Variants in NSMCE2 observed in about 807,000 individuals in gnomAD.
NSMCE2 encodes the protein NSE2 SUMO ligase component of SMC5/6 complex, also known as E3 SUMO-protein ligase NSE2.
Under a neutral mutation model 23.8 loss-of-function variants are expected in NSMCE2, and 24 were observed. The observed-to-expected ratio is 1.01, with a 90% CI of 0.73 to 1.42. The LOEUF (loss-of-function observed/expected upper bound fraction) is 1.42, where lower values mean the gene tolerates loss of function less well. Among genes scored for constraint, NSMCE2 ranks in the 40% most tolerant of loss-of-function variants. The pLI is 0.00. For synonymous variants in NSMCE2, 92 were observed against 94.1 expected, an observed-to-expected ratio of 0.98 and a Z score of 0.13; for missense variants, 284 against 296.5, an observed-to-expected ratio of 0.96 and a Z score of 0.31.
chr8:125,344,066 G>A (rs1283591819), intron 5 of NSMCE2, among the ~76,000 whole-genome samples: 2 of 152,122 alleles, frequency 1.3e-5, no homozygotes, highest in Admixed American at 6.6e-5. Flanking sequence ...AAATACAAGG[G>A]ATTGAAATGG....
chr8:125,169,733 T>C (rs1159442157), intron 4 of NSMCE2, among the ~76,000 whole-genome samples: 14 of 68,052 alleles, frequency 2.1e-4, no homozygotes, highest in Admixed American at 1.6e-3. Flanking sequence ...AACATTTGAT[T>C]TTTTTTTTCC....
intron 5 of NSMCE2, among the ~76,000 whole-genome samples, chr8:125,326,565 G>T (rs1466574626): frequency 6.6e-6 from 1 of 152,172 alleles, no homozygotes; most frequent in African/African-American, 2.4e-5. Context: ...GGAAAAGAGA[G>T]AGAGGACTTC....
At chr8:125,198,498 T>C (rs1188302245) in intron 5 of NSMCE2, among the ~76,000 whole-genome samples, 6 of 152,212 alleles carry the variant, frequency 3.9e-5, no homozygotes, top group Non-Finnish European at 7.3e-5. Context: ...ATTTATTGAT[T>C]TGCGTGTGTT....
At chr8:125,190,111 T>A (rs1183763154) in intron 5 of NSMCE2, among the ~76,000 whole-genome samples, 1 of 152,190 alleles carries the variant, frequency 6.6e-6, no homozygotes, top group Admixed American at 6.5e-5. Context: ...TCCTGAGAGC[T>A]TATGTTCATT....
At chr8:125,212,722 A>C (rs778428128) in intron 5 of NSMCE2, among the ~76,000 whole-genome samples, 1 of 152,240 alleles carries the variant, frequency 6.6e-6, no homozygotes, top group Non-Finnish European at 1.5e-5. Context: ...AACATTTTTT[A>C]AATGTAGGAT....
chr8:125,106,910 C>T (rs922185855), intron 3 of NSMCE2, among the ~76,000 whole-genome samples: 1 of 141,608 alleles, frequency 7.1e-6, no homozygotes, highest in African/African-American at 2.6e-5. Context: ...GCAGGAGAAT[C>T]GCTTGAACCC....
chr8:125,162,300 G>T (rs995463076), intron 4 of NSMCE2, among the ~76,000 whole-genome samples: 10 of 152,120 alleles, frequency 6.6e-5, no homozygotes, highest in African/African-American at 2.4e-4. Context: ...AGAAATTCTT[G>T]TTACTGCTTA....
chr8:125,247,060 A>T (rs1259361105), intron 5 of NSMCE2, among the ~76,000 whole-genome samples: 5 of 151,264 alleles, frequency 3.3e-5, no homozygotes, highest in Admixed American at 2.0e-4. Flanking sequence ...TGGCATGGTG[A>T]CTCACACCTC....
At chr8:125,260,020 T>C (rs1287943056) in intron 5 of NSMCE2, among the ~76,000 whole-genome samples, 2 of 152,180 alleles carry the variant, frequency 1.3e-5, no homozygotes, top group African/African-American at 2.4e-5. Context: ...AAAGCAGATA[T>C]TGCAGGCTGG....
At chr8:125,259,533 AC>A (rs1400793280) in intron 5 of NSMCE2, among the ~76,000 whole-genome samples, 1 of 151,524 alleles carries the variant, frequency 6.6e-6, no homozygotes, top group Admixed American at 6.6e-5. Context: ...CCCCCACCAC[AC>A]CCCAGTCTGT....
At chr8:125,337,835 C>T (rs190966430) in intron 5 of NSMCE2, among the ~76,000 whole-genome samples, 267 of 133,904 alleles carry the variant, frequency 2.0e-3, no homozygotes, top group Middle Eastern at 0.013. Context: ...GTGGAGGTTG[C>T]GGTGAGCCAA....
intron 5 of NSMCE2, among the ~76,000 whole-genome samples, chr8:125,227,201 A>G (rs1013253678): frequency 6.6e-6 from 1 of 152,136 alleles, no homozygotes; most frequent in Admixed American, 6.5e-5. Context: ...CAGATCCACA[A>G]GACATGAGAA....
At chr8:125,252,833 G>A (rs2131017467) in intron 5 of NSMCE2, among the ~76,000 whole-genome samples, 1 of 152,354 alleles carries the variant, frequency 6.6e-6, no homozygotes, top group East Asian at 1.9e-4. Flanking sequence ...TGTTAGATGG[G>A]TAGTTCCGGA....
intron 5 of NSMCE2, among the ~76,000 whole-genome samples, chr8:125,303,503 A>G (rs1305077183): frequency 1.3e-5 from 2 of 152,184 alleles, no homozygotes; most frequent in African/African-American, 4.8e-5. Context: ...CAATAAGTAT[A>G]TAAATTAACT....
At chr8:125,323,642 A>G (rs1829537785) in intron 5 of NSMCE2, among the ~76,000 whole-genome samples, 1 of 152,238 alleles carries the variant, frequency 6.6e-6, no homozygotes, top group Non-Finnish European at 1.5e-5. Flanking sequence ...CAGAATATAA[A>G]CTTTGAACCA....
chr8:125,274,954 T>A (rs1827385662), intron 5 of NSMCE2, among the ~76,000 whole-genome samples: 1 of 147,660 alleles, frequency 6.8e-6, no homozygotes, highest in Admixed American at 6.8e-5. Flanking sequence ...AAAGAACCTA[T>A]TTGTTCTTGA....
chr8:125,149,154 A>T (rs114386515), intron 3 of NSMCE2, among the ~76,000 whole-genome samples: 2,321 of 152,274 alleles, frequency 0.015, 40 homozygotes, highest in Admixed American at 0.048. Context: ...GAATGTAAAT[A>T]CAAATTTTTC....
At chr8:125,192,797 A>G (rs1823415493) in intron 5 of NSMCE2, among the ~76,000 whole-genome samples, 1 of 151,976 alleles carries the variant, frequency 6.6e-6, no homozygotes, top group Non-Finnish European at 1.5e-5. Flanking sequence ...TCTGGATCTC[A>G]TGTCCTCACA....
At chr8:125,170,445 G>T (rs181546362) in intron 4 of NSMCE2, among the ~76,000 whole-genome samples, 1 of 125,428 alleles carries the variant, frequency 8.0e-6, no homozygotes, top group Non-Finnish European at 1.6e-5. Context: ...TTGGCCTCTT[G>T]GGCAGGCTGG....
Sources: gnomAD v4.1 joint callset for allele counts (sites outside exome capture counted in the v4.1 genomes callset) on GRCh38, gnomAD v4.1.1 for gene constraint, MANE v1.5 for transcripts, NCBI Gene and HGNC (gene_info 2026-07-23, HGNC 2026-07-21) for gene names.